The following ATRNL1 variants were observed in gnomAD, a reference collection of about 807,000 sequenced individuals.
The protein encoded by ATRNL1 is attractin like 1.
In ATRNL1, 95 loss-of-function variants were observed where a neutral mutation model predicts 182.7. That is an observed-to-expected ratio of 0.52 (90% CI 0.44 to 0.62). The LOEUF (loss-of-function observed/expected upper bound fraction) is 0.62. Ranked by LOEUF, ATRNL1 falls within the 20% of genes least tolerant of loss-of-function variation. The pLI is 0.00. For synonymous variants in ATRNL1, 576 were observed against 568.3 expected (o/e 1.01, Z -0.19); for missense variants, 1,471 against 1,679.5 (o/e 0.88, Z 2.17).
intron 26 of ATRNL1, among the ~76,000 whole-genome samples, chr10:115,609,981 A>G (rs1857070686): frequency 6.6e-6 from 1 of 152,212 alleles, no homozygotes; most frequent in Non-Finnish European, 1.5e-5. Context: ...ATAACTGACC[A>G]TAGAAATGGA....
rs1256587813 is a variant in ATRNL1, at chr10:115,797,273, G to A, written c.3904-50604G>A. Among the ~76,000 whole-genome samples the A allele has an allele frequency of 3.9e-5, 6 of 152,256 alleles. No individual in the cohort carries two copies. The East Asian group carries it at 1.2e-3, about 29-fold the overall frequency. ...TGCAGGGCCTCTTGTTCAAAAAGTA[G>A]GAAAAATAGGCCTTTAAAAGTCCTA... On this transcript the variant is annotated intron_variant, in intron 27 of 28. Coordinates refer to ENST00000355044, the MANE Select transcript of ATRNL1 (RefSeq NM_207303.4).
At chr10:115,655,854 A>G (rs1319046412) in intron 26 of ATRNL1, among the ~76,000 whole-genome samples, 1 of 152,164 alleles carries the variant, frequency 6.6e-6, no homozygotes, top group Non-Finnish European at 1.5e-5. Context: ...TATAACTAAG[A>G]TCTTTGCCCT....
At chr10:115,759,238 A>G (rs1479163183) in intron 27 of ATRNL1, among the ~76,000 whole-genome samples, 4 of 152,204 alleles carry the variant, frequency 2.6e-5, no homozygotes, top group African/African-American at 9.6e-5. Context: ...TTCTCTTTAA[A>G]TCAGGGTTTC....
At chr10:115,143,406 T>C (rs1845830372) in intron 5 of ATRNL1, among the ~76,000 whole-genome samples, 1 of 148,786 alleles carries the variant, frequency 6.7e-6, no homozygotes, top group Admixed American at 6.6e-5. Flanking sequence ...TAAATCTTTC[T>C]TGGGATTTTT....
chr10:115,587,656 T>A (rs1424472527), intron 26 of ATRNL1, among the ~76,000 whole-genome samples: 3 of 152,090 alleles, frequency 2.0e-5, no homozygotes, highest in Non-Finnish European at 4.4e-5. Context: ...GCACCCACTG[T>A]CTGGCACTCC....
chr10:115,134,367 C>T (rs1845404740), intron 5 of ATRNL1, among the ~76,000 whole-genome samples: 1 of 152,102 alleles, frequency 6.6e-6, no homozygotes, highest in South Asian at 2.1e-4. Flanking sequence ...CACCACAGAT[C>T]CCACAGAGAT....
At chr10:115,728,454 A>C (rs1276138628) in intron 27 of ATRNL1, among the ~76,000 whole-genome samples, 1 of 152,062 alleles carries the variant, frequency 6.6e-6, no homozygotes, top group African/African-American at 2.4e-5. Context: ...AAGGTTAAGA[A>C]ACTCTAGAAT....
chr10:115,575,687 A>G (rs1392334168), intron 26 of ATRNL1, among the ~76,000 whole-genome samples: 27 of 152,150 alleles, frequency 1.8e-4, no homozygotes, highest in African/African-American at 6.0e-4. Context: ...GTGCAAGATA[A>G]TGTTTTGATA....
At chr10:115,113,201 T>G (rs1844333286) in intron 1 of ATRNL1, among the ~76,000 whole-genome samples, 1 of 152,208 alleles carries the variant, frequency 6.6e-6, no homozygotes, top group Non-Finnish European at 1.5e-5. Context: ...GGCCAAAATA[T>G]AACATCTGCT....
intron 10 of ATRNL1, among the ~76,000 whole-genome samples, chr10:115,248,663 A>C (rs1850745560): frequency 6.6e-6 from 1 of 152,194 alleles, no homozygotes; most frequent in African/African-American, 2.4e-5. Flanking sequence ...ACAATTCCTG[A>C]GAGAAGATAC....
intron 26 of ATRNL1, among the ~76,000 whole-genome samples, chr10:115,555,908 A>G (rs1320094672): frequency 2.6e-5 from 4 of 152,146 alleles, no homozygotes; most frequent in Admixed American, 1.3e-4. Flanking sequence ...TTTAATTTTC[A>G]CACTAAAAAT....
intron 24 of ATRNL1, among the ~76,000 whole-genome samples, chr10:115,482,548 A>G (rs1554974347): frequency 6.9e-6 from 1 of 144,118 alleles, no homozygotes. Context: ...GGATAAACAA[A>G]TATAATAATT....
rs186243785 is a variant in ATRNL1, at chr10:115,749,307, A to G, written c.3903+21952A>G. 2.4e-3 allele frequency among the ~76,000 whole-genome samples: 371 copies of G among 152,026 alleles called. 2 individuals carry two copies. The highest frequency in any genetic ancestry group is 8.7e-3 in the African/African-American group (361 of 41,542). On this transcript the variant is annotated intron_variant, in intron 27 of 28. Coordinates refer to ENST00000355044, the MANE Select transcript of ATRNL1 (RefSeq NM_207303.4). ...GTAAACCAATAATTCCAAAACAAAG[A>G]AAACTCACTAATTCTTTTTATTCTT...
At chr10:115,593,518 T>G (rs535356312) in intron 26 of ATRNL1, among the ~76,000 whole-genome samples, 4 of 152,298 alleles carry the variant, frequency 2.6e-5, no homozygotes, top group African/African-American at 9.6e-5. Context: ...CACTAGTTGA[T>G]GCTGAGAAAA....
At chr10:115,172,901 C>T (rs988393976) in intron 8 of ATRNL1, among the ~76,000 whole-genome samples, 1 of 149,880 alleles carries the variant, frequency 6.7e-6, no homozygotes, top group African/African-American at 2.5e-5. Flanking sequence ...TTACTCATGT[C>T]AAGTTGGCCC....
chr10:115,453,096 A>G (rs1330873576), intron 21 of ATRNL1, among the ~76,000 whole-genome samples: 3 of 152,134 alleles, frequency 2.0e-5, no homozygotes, highest in African/African-American at 4.8e-5. Context: ...TCATCTGTCA[A>G]CAAACACTAA....
chr10:115,592,214 G>A (rs1855950232), intron 26 of ATRNL1, among the ~76,000 whole-genome samples: 1 of 152,106 alleles, frequency 6.6e-6, no homozygotes, highest in African/African-American at 2.4e-5. Context: ...AAACTATTGG[G>A]TACTGTGCTC....
Position 115,461,999 on chromosome 10 carries a change from C to T in ATRNL1, c.3381C>T (p.His1127=), listed in dbSNP as rs906354248. The change falls in exon 22 of 29, where the codon CAC becomes CAT. Residue 1127 remains histidine, a synonymous_variant. Coordinates refer to ENST00000355044, the MANE Select transcript of ATRNL1 (RefSeq NM_207303.4). The part of the protein sequence containing the change: ...TFSLLQEDDR[H]HTAINFIANP... Reference sequence around the variant, plus strand: ...GCTTATTACAGGAAGATGATCGCCACCATACTGCCATAAACTTTATAGCAA... The same window carrying T: ...GCTTATTACAGGAAGATGATCGCCATCATACTGCCATAAACTTTATAGCAA... The T allele has an allele frequency of 1.9e-6, 3 of 1,610,934 alleles. No homozygotes were observed. The highest frequency in any genetic ancestry group is 2.5e-6 in the Non-Finnish European group (3 of 1,178,306).
intron 8 of ATRNL1, among the ~76,000 whole-genome samples, chr10:115,196,535 T>C (rs1564812394): frequency 6.6e-6 from 1 of 151,800 alleles, no homozygotes; most frequent in Non-Finnish European, 1.5e-5. Context: ...TCTTTAACAA[T>C]ATGGAGTCTT....
Sources: allele counts gnomAD v4.1 joint callset (sites outside exome capture counted in the v4.1 genomes callset), GRCh38; gene constraint gnomAD v4.1.1; transcripts MANE v1.5; gene names NCBI Gene and HGNC (gene_info 2026-07-23, HGNC 2026-07-21).